The following ZNF638 variants were observed in gnomAD, a reference collection of about 807,000 sequenced individuals.
ZNF638 encodes zinc finger protein 638.
ZNF638 carries 46 observed loss-of-function variants against 195.6 expected under a neutral mutation model. The observed-to-expected ratio is 0.24, with a 90% CI of 0.19 to 0.30. The LOEUF (loss-of-function observed/expected upper bound fraction) is 0.30. Among genes scored for constraint, ZNF638 ranks in the 10% least tolerant of loss-of-function variants. ZNF638 has a pLI of 1.00. For missense variants in ZNF638, 2,440 were observed against 2,325.3 expected (o/e 1.05, Z -1.01); for synonymous variants, 845 against 772.0 (o/e 1.09, Z -1.57).
chr2:71,377,689 TAA>T (rs1410025650), intron 8 of ZNF638, among the ~76,000 whole-genome samples: 1 of 152,124 alleles, frequency 6.6e-6, no homozygotes, highest in Non-Finnish European at 1.5e-5. Context: ...GTGTGAAAGT[TAA>T]AAGAGTGAAA....
At position 71,355,689 on chromosome 2, in the gene ZNF638, A is replaced by G. The variant is rs1393506548; in HGVS notation, c.1318-30A>G. The G allele has an allele frequency of 2.8e-6, 4 of 1,441,968 alleles. No homozygotes were observed. In the African/African-American group the frequency reaches 5.7e-5, roughly 21 times the overall value. 89.3% of individuals were successfully genotyped at this position (1,441,968 alleles called of 1,614,324 possible). ...CATTAGTCAACATGAGGAATATTCT[A>G]ATTTCAACACTTTTCTCCTTTTACA... is the stretch of plus-strand genomic sequence containing the variant. On this transcript the variant is annotated intron_variant, in intron 2 of 27. Coordinates refer to ENST00000264447, the MANE Select transcript of ZNF638 (RefSeq NM_014497.5).
chr2:71,431,121 C>G, intron 25 of ZNF638: 1 of 490,376 alleles, frequency 2.0e-6, no homozygotes, highest in Non-Finnish European at 3.7e-6. Flanking sequence ...TAGCTTTAGA[C>G]CTATATTCCT....
Position 71,350,012 on chromosome 2 carries a change from A to T in ZNF638, c.1058A>T (p.His353Leu). 6.2e-7 allele frequency: 1 copy of T among 1,614,234 alleles called. No homozygotes were observed. The highest frequency in any genetic ancestry group is 8.5e-7 in the Non-Finnish European group (1 of 1,180,052). The change falls in exon 2 of 28, where the codon CAT (histidine) becomes CTT (leucine). Residue 353 changes from histidine (H) to leucine (L), a missense_variant. Physicochemically the swap from His to Leu is moderately conservative, Grantham distance 99. Around this residue, in one of 5 missense-constraint regions of ZNF638, gnomAD observed 305 missense variants for 283.6 expected, o/e 1.08. Coordinates refer to ENST00000264447, the MANE Select transcript of ZNF638 (RefSeq NM_014497.5). ...SSVSQQERIP[H>L]EPVINSSNVH... is the part of the protein sequence containing the mutation. Reference sequence around the variant, plus strand: ...GTAAGCCAGCAAGAGCGGATCCCACATGAACCTGTGATTAATTCATCTAAC... The same window carrying T: ...GTAAGCCAGCAAGAGCGGATCCCACTTGAACCTGTGATTAATTCATCTAAC...
rs756748538 is a variant in ZNF638 at position 71,369,946 on chromosome 2, C to A, written c.2206C>A (p.Pro736Thr). Residue 736 changes from proline to threonine, a missense_variant, in exon 8 of 28, where the codon CCT (proline) becomes ACT (threonine). Physicochemically the swap from Pro to Thr is conservative, Grantham distance 38 (BLOSUM62 -1). Transcript: ENST00000264447. ...AATTATGAAGTACATTGAAACAACA[C>A]CTCTTACGATAAAAGGAAAAAGTGT... ...TAIMKYIETT[P>T]LTIKGKSVKI... 4 of 1,599,458 alleles carry A rather than the reference C, an allele frequency of 2.5e-6. No homozygotes were observed. Among genetic ancestry groups the A allele is most frequent in the East Asian group, 2.3e-5 (1 of 43,972 alleles).
At chr2:71,351,091 C>G (rs1276595256) in intron 2 of ZNF638, among the ~76,000 whole-genome samples, 2 of 152,064 alleles carry the variant, frequency 1.3e-5, no homozygotes. Flanking sequence ...CTTCTATTTA[C>G]TAATGTGATT....
Position 71,380,239 on chromosome 2 carries a change from A to G in ZNF638, c.2283A>G (p.Lys761=), listed in dbSNP as rs1206988376. 5 of 1,562,224 alleles carry G rather than the reference A, an allele frequency of 3.2e-6. No individual in the cohort carries two copies. Among genetic ancestry groups the G allele is most frequent in the African/African-American group, 2.8e-5 (2 of 72,040 alleles). ...KKKAQNKEVK[K]KTLESKKVSA... ...CTACGTAGAACAAAGAGGTGAAGAAAAAGACTTTAGAGTCAAAGAAAGTAT... is the reference window on the plus strand; with the variant it reads ...CTACGTAGAACAAAGAGGTGAAGAAGAAGACTTTAGAGTCAAAGAAAGTAT... The change falls in exon 9 of 28, where the codon AAA becomes AAG. Residue 761 remains lysine (K), a synonymous_variant. Transcript: ENST00000264447.
chr2:71,364,089 G>T lies in ZNF638; in HGVS notation c.1554G>T (p.Pro518=), dbSNP rs753385546. 1.2e-6 allele frequency: 2 copies of T among 1,614,142 alleles called. No homozygotes were observed. The highest frequency in any genetic ancestry group is 2.2e-5 in the East Asian group (1 of 44,874). Residue 518 remains proline (P), a synonymous_variant, in exon 5 of 28, where the codon CCG becomes CCT. Coordinates refer to ENST00000264447, the MANE Select transcript of ZNF638 (RefSeq NM_014497.5). ...GCCCAATGCATTACATGTATAGGCC[G>T]AGAAGTCGAAGTCCAAGAATTTGCC... The part of the protein sequence containing the change: ...SRSPMHYMYR[P]RSRSPRICHR...
chr2:71,370,905 G>A (rs748037614), intron 8 of ZNF638, among the ~76,000 whole-genome samples: 2 of 151,820 alleles, frequency 1.3e-5, no homozygotes, highest in Non-Finnish European at 2.9e-5. Flanking sequence ...ACTCTGTTGC[G>A]CTAGCTAATA....
At chr2:71,347,726 T>C (rs1573026619) in intron 1 of ZNF638, among the ~76,000 whole-genome samples, 1 of 151,970 alleles carries the variant, frequency 6.6e-6, no homozygotes, top group African/African-American at 2.4e-5. Context: ...CTGAGAAGAG[T>C]GTTGAAGGGG....
chr2:71,391,892 C>A (rs1359089909), intron 10 of ZNF638, among the ~76,000 whole-genome samples: 1 of 152,066 alleles, frequency 6.6e-6, no homozygotes, highest in East Asian at 1.9e-4. Flanking sequence ...AGCATAGATC[C>A]ACGATATTCA....
At chr2:71,424,137 A>C in intron 22 of ZNF638, 99 bp downstream of exon 22, 1 of 1,450,730 alleles carries the variant, frequency 6.9e-7, no homozygotes, top group South Asian at 1.4e-5. Context: ...TCATACTTTC[A>C]TCTCCTCACT....
chr2:71,335,758 A>G (rs958053441), intron 1 of ZNF638, among the ~76,000 whole-genome samples: 3 of 152,248 alleles, frequency 2.0e-5, no homozygotes, highest in Admixed American at 1.3e-4. Flanking sequence ...GAAAACATGC[A>G]TATTACACGT....
intron 10 of ZNF638, 98 bp downstream of exon 10, chr2:71,380,663 T>C (rs111512098): frequency 3.6e-5 from 34 of 944,732 alleles, no homozygotes; most frequent in African/African-American, 2.7e-4. Context: ...TGTGCTTTAA[T>C]GAAGGAGACC....
At chr2:71,410,986 C>CCG (rs1171120542) in intron 20 of ZNF638, among the ~76,000 whole-genome samples, 1 of 95,498 alleles carries the variant, frequency 1.0e-5, no homozygotes, top group African/African-American at 3.5e-5. Context: ...CACCACCTCC[C>CCG]CCCCCCTTTT....
rs778771276 is a variant in ZNF638 at position 71,427,431 on chromosome 2, G to C, written c.5545+17G>C. 2 of 1,503,180 alleles carry C rather than the reference G, an allele frequency of 1.3e-6. No homozygotes were observed. The highest frequency in any genetic ancestry group is 1.8e-6 in the Non-Finnish European group (2 of 1,129,330). 93.1% of individuals were successfully genotyped at this position (1,503,180 alleles called of 1,614,324 possible). A position where few individuals can be genotyped will look rare whatever the true frequency, so the allele number is the denominator to read the frequency against. On this transcript the variant is annotated intron_variant, in intron 24 of 27. Transcript: ENST00000264447. ...ACTTAACAGGTAGATACTTGGAAGG[G>C]GTAGTCTTTCTGTTTTATGAGGGGA...
chr2:71,395,046 C>T (rs1282449269), intron 10 of ZNF638, among the ~76,000 whole-genome samples: 3 of 152,166 alleles, frequency 2.0e-5, no homozygotes, highest in Non-Finnish European at 4.4e-5. Flanking sequence ...GGTGACCTTA[C>T]ATGATAATTT....
Position 71,349,243 on chromosome 2 carries a change from G to C in ZNF638, c.289G>C (p.Gly97Arg), listed in dbSNP as rs1387360454. Residue 97 changes from glycine (G) to arginine (R), a missense_variant, in exon 2 of 28, where the codon GGG (glycine) becomes CGG (arginine). By Grantham distance (125) the Gly-to-Arg change is moderately radical. Coordinates refer to ENST00000264447, the MANE Select transcript of ZNF638 (RefSeq NM_014497.5). ...LDFHEAQQKK[G>R]KPHGSRWDDE... ...TTTTCATGAAGCACAACAGAAGAAG[G>C]GGAAGCCTCATGGTAGCCGGTGGGA... 3 of 1,614,128 alleles carry C rather than the reference G, an allele frequency of 1.9e-6. No homozygotes were observed. The East Asian group carries it at 6.7e-5, about 36-fold the overall frequency.
At chr2:71,384,403 C>T (rs1018944083) in intron 10 of ZNF638, among the ~76,000 whole-genome samples, 1 of 152,204 alleles carries the variant, frequency 6.6e-6, no homozygotes, top group Non-Finnish European at 1.5e-5. Flanking sequence ...TGCCCTTTGA[C>T]CCCAGATTAT....
chr2:71,353,555 G>T (rs1341958919), intron 2 of ZNF638, among the ~76,000 whole-genome samples: 1 of 152,170 alleles, frequency 6.6e-6, no homozygotes, highest in East Asian at 1.9e-4. Flanking sequence ...GGTGGGATGG[G>T]TGTGTTTACT....
Sources: allele counts gnomAD v4.1 joint callset (sites outside exome capture counted in the v4.1 genomes callset), GRCh38; gene constraint gnomAD v4.1.1; regional missense constraint gnomAD v4.1.1; transcripts MANE v1.5; gene names NCBI Gene and HGNC (gene_info 2026-07-23, HGNC 2026-07-21).